The following CCDC18 variants were observed in gnomAD, a reference collection of about 807,000 sequenced individuals.
CCDC18 encodes coiled-coil domain-containing protein 18.
CCDC18 carries 157 observed loss-of-function variants against 196.0 expected under a neutral mutation model. That is an observed-to-expected ratio of 0.80 (90% CI 0.70 to 0.91). The LOEUF is 0.91. Ranked by LOEUF, CCDC18 falls within the 40% of genes least tolerant of loss-of-function variation. The pLI is 0.00. For synonymous variants in CCDC18, 482 were observed against 529.2 expected (o/e 0.91, Z 1.22); for missense variants, 1,465 against 1,611.6 (o/e 0.91, Z 1.56).
At chr1:93,243,923 C>G (rs948642287) in intron 21 of CCDC18, among the ~76,000 whole-genome samples, 1 of 152,180 alleles carries the variant, frequency 6.6e-6, no homozygotes, top group African/African-American at 2.4e-5. Context: ...CTTCTGAGCC[C>G]TCCAAACTGT....
Position 93,193,738 on chromosome 1 carries a change from GA to G in CCDC18, c.697del (p.Arg233GlufsTer16), listed in dbSNP as rs778207857. The part of the protein sequence containing the change: ...KVDLLEQTKQ[G>X]KRAERQRNEA... ...GACTTACTTGAACAAACCAAACAAG[GA>G]AAAAGGTATGTGTTTTTAAAGCAAA... On this transcript the variant is annotated frameshift_variant, in exon 6 of 29. Transcript: ENST00000690025. LOFTEE classifies it high-confidence loss of function. 5 of 1,552,618 alleles carry G rather than the reference GA, an allele frequency of 3.2e-6. No individual in the cohort carries two copies. Among genetic ancestry groups the G allele is most frequent in the Non-Finnish European group, 4.3e-6 (5 of 1,156,794 alleles).
intron 6 of CCDC18, among the ~76,000 whole-genome samples, chr1:93,195,818 G>A (rs1312214818): frequency 6.6e-6 from 1 of 152,146 alleles, no homozygotes; most frequent in Non-Finnish European, 1.5e-5. Context: ...ATACATTTCT[G>A]TTTTTTATAA....
At chr1:93,197,546 A>G (rs574544580) in intron 6 of CCDC18, among the ~76,000 whole-genome samples, 6 of 151,662 alleles carry the variant, frequency 4.0e-5, no homozygotes, top group Admixed American at 6.6e-5. Context: ...GTGTGTGTGT[A>G]TATATATAGC....
In CCDC18 at chr1:93,270,287, G is replaced by GTT. The variant is rs879211234; in HGVS notation, c.3886-60_3886-59insTT. On this transcript the variant is annotated intron_variant, in intron 27 of 28. Coordinates refer to ENST00000690025, the MANE Select transcript of CCDC18 (RefSeq NM_001378204.1). ...TTTCTAAAAGTCTATGATTTTCTAAGGAGTTCATTCATTTAACAAAAATGT... is the reference window on the plus strand; with the variant it reads ...TTTCTAAAAGTCTATGATTTTCTAAGTTGAGTTCATTCATTTAACAAAAATGT... 360 of 882,174 alleles carry GTT rather than the reference G, an allele frequency of 4.1e-4. 5 individuals carry two copies. In the South Asian group the frequency reaches 5.6e-3, roughly 14 times the overall value. 54.6% of individuals were successfully genotyped at this position (882,174 alleles called of 1,614,324 possible).
Position 93,254,509 on chromosome 1 carries a change from A to C in CCDC18, c.3237A>C (p.Glu1079Asp), listed in dbSNP as rs1194681337. The C allele has an allele frequency of 2.5e-6, 4 of 1,601,062 alleles. No individual in the cohort carries two copies. Among genetic ancestry groups the C allele is most frequent in the Non-Finnish European group, 2.6e-6 (3 of 1,171,900 alleles). ...ATGACAAATTACAAAATGCTAAAGAACAGCTTCGAGAAAAAGAGTTTATAA... is the reference window on the plus strand; with the variant it reads ...ATGACAAATTACAAAATGCTAAAGACCAGCTTCGAGAAAAAGAGTTTATAA... ...SLNDKLQNAK[E>D]QLREKEFIML... The change falls in exon 24 of 29, where the codon GAA becomes GAC. Residue 1079 changes from glutamate to aspartate, a missense_variant. Transcript: ENST00000690025.
chr1:93,244,459 A>T (rs1661229664), intron 21 of CCDC18, among the ~76,000 whole-genome samples: 1 of 152,262 alleles, frequency 6.6e-6, no homozygotes, highest in Admixed American at 6.5e-5. Flanking sequence ...ATGCTAAGTG[A>T]AAGCCAGACA....
rs184180955 is a variant in CCDC18 at position 93,246,246 on chromosome 1, T to C, written c.3081+42T>C. ...TATATTTTAATGGAGTTTTCTGTTA[T>C]GACACAGTCACACAGGATTTGAGAG... On this transcript the variant is annotated intron_variant, in intron 22 of 28. Coordinates refer to ENST00000690025, the MANE Select transcript of CCDC18 (RefSeq NM_001378204.1). 1,908 of 1,413,236 alleles carry C rather than the reference T, an allele frequency of 1.4e-3. 3 individuals are homozygous for C. The highest frequency in any genetic ancestry group is 1.9e-3 in the Admixed American group (94 of 49,166). The allele number at this position is 1,413,236 out of a possible 1,614,324, so 87.5% of individuals were successfully genotyped here.
chr1:93,255,767 G>GA (rs1662871104), intron 24 of CCDC18, among the ~76,000 whole-genome samples: 2 of 145,028 alleles, frequency 1.4e-5, no homozygotes, highest in African/African-American at 5.5e-5. Flanking sequence ...GGAAGAAGAG[G>GA]AGGAAGAGGA....
chr1:93,218,895 A>G lies in CCDC18; in HGVS notation c.1962+1026A>G, dbSNP rs549768381. Among the ~76,000 whole-genome samples the G allele has an allele frequency of 5.9e-4, 90 of 152,254 alleles. No individual in the cohort carries two copies. The South Asian group carries it at 7.3e-3, about 12-fold the overall frequency. On this transcript the variant is annotated intron_variant, in intron 14 of 28. Coordinates refer to ENST00000690025, the MANE Select transcript of CCDC18 (RefSeq NM_001378204.1). ...CGCTGCAATTGAAGTCTTGCTTTGGATGGTATCTTTTCTCCTTAGCTTCTT... is the reference window on the plus strand; with the variant it reads ...CGCTGCAATTGAAGTCTTGCTTTGGGTGGTATCTTTTCTCCTTAGCTTCTT...
At chr1:93,247,364 T>G (rs1456206727) in intron 23 of CCDC18, among the ~76,000 whole-genome samples, 1 of 152,200 alleles carries the variant, frequency 6.6e-6, no homozygotes, top group Non-Finnish European at 1.5e-5. Flanking sequence ...TTTTGTATGT[T>G]AATTTTGTAT....
intron 14 of CCDC18, among the ~76,000 whole-genome samples, chr1:93,218,178 C>G (rs1170495285): frequency 6.6e-6 from 1 of 152,100 alleles, no homozygotes; most frequent in Admixed American, 6.5e-5. Context: ...GAGAAGCACT[C>G]TTGACCTTGG....
At chr1:93,191,477 T>G (rs868088159) in intron 4 of CCDC18, among the ~76,000 whole-genome samples, 1 of 152,202 alleles carries the variant, frequency 6.6e-6, no homozygotes, top group Non-Finnish European at 1.5e-5. Flanking sequence ...TTTTCAGTGA[T>G]AGTTATCTTA....
chr1:93,221,882 G>A lies in CCDC18; in HGVS notation c.2121G>A (p.Lys707=), dbSNP rs752186690. 2 of 1,600,874 alleles carry A rather than the reference G, an allele frequency of 1.2e-6. No individual in the cohort carries two copies. Among genetic ancestry groups the A allele is most frequent in the South Asian group, 1.1e-5 (1 of 89,520 alleles). Residue 707 remains lysine (K), a synonymous_variant, in exon 16 of 29, where the codon AAG becomes AAA. Coordinates refer to ENST00000690025, the MANE Select transcript of CCDC18 (RefSeq NM_001378204.1). ...AGGAAATGAAAAAGGAAAATATGAA[G>A]AAAGATGAAGCTTTAAAAGCATTAC... ...SKGEMKKENM[K]KDEALKALQN...
intron 18 of CCDC18, among the ~76,000 whole-genome samples, chr1:93,234,936 A>AGTGAGT (rs1553178274): frequency 2.5e-5 from 3 of 119,348 alleles, no homozygotes; most frequent in Non-Finnish European, 5.0e-5. Flanking sequence ...CCCAGCTAAG[A>AGTGAGT]GTGTGTGTGT....
At chr1:93,244,124 G>T (rs556372822) in intron 21 of CCDC18, among the ~76,000 whole-genome samples, 2 of 152,300 alleles carry the variant, frequency 1.3e-5, no homozygotes, top group East Asian at 3.9e-4. Flanking sequence ...TGGCTGGGGA[G>T]GCCTCACAAT....
At chr1:93,265,560 A>C (rs925125319) in intron 27 of CCDC18, among the ~76,000 whole-genome samples, 1 of 152,226 alleles carries the variant, frequency 6.6e-6, no homozygotes, top group African/African-American at 2.4e-5. Context: ...GTACAGTCCT[A>C]TTCTGTGCCA....
upstream of CCDC18, chr1:93,180,125 G>C (rs776819953): frequency 1.9e-6 from 3 of 1,613,726 alleles, no homozygotes; most frequent in South Asian, 3.3e-5. Context: ...CCGGCGGGAA[G>C]GGTAAAGGTG....
chr1:93,215,595 T>C (rs1656358913), intron 12 of CCDC18, among the ~76,000 whole-genome samples: 1 of 152,110 alleles, frequency 6.6e-6, no homozygotes, highest in African/African-American at 2.4e-5. Flanking sequence ...TATTTGAGAC[T>C]GCAGGCATGT....
intron 1 of CCDC18, among the ~76,000 whole-genome samples, chr1:93,181,157 A>AT (rs1175845756): frequency 7.3e-5 from 8 of 109,744 alleles, no homozygotes; most frequent in African/African-American, 3.1e-4. Flanking sequence ...TCTCTATAAA[A>AT]TTAAAAAAAA....
Sources: gnomAD v4.1 joint callset for allele counts (sites outside exome capture counted in the v4.1 genomes callset) on GRCh38, gnomAD v4.1.1 for gene constraint, MANE v1.5 for transcripts, NCBI Gene and HGNC (gene_info 2026-07-23, HGNC 2026-07-21) for gene names.